Variants in PINX1 observed in about 807,000 individuals in gnomAD.
The protein encoded by PINX1 is PIN2 (TERF1) interacting telomerase inhibitor 1, also known as PIN2/TERF1-interacting telomerase inhibitor 1.
A neutral mutation model predicts 25.4 loss-of-function variants in PINX1; 34 were observed. That is an observed-to-expected ratio of 1.34 (90% CI 1.02 to 1.78). The LOEUF (loss-of-function observed/expected upper bound fraction) is 1.78, where lower values mean the gene tolerates loss of function less well. Ranked by LOEUF, PINX1 falls within the 40% of genes most tolerant of loss-of-function variation. PINX1 has a pLI of 0.00. For missense variants in PINX1, 592 were observed against 404.9 expected (o/e 1.46, Z -3.97); for synonymous variants, 197 against 147.7 (o/e 1.33, Z -2.42).
rs1392826782 is a variant in PINX1, at chr8:10,812,189, C to G, written c.471+8004G>C. ...GTCTATTTGATCTCTTGTTTGGACACATCAAGAGCCTTTCACATTCATCTA... is the reference window on the plus strand; with the variant it reads ...GTCTATTTGATCTCTTGTTTGGACAGATCAAGAGCCTTTCACATTCATCTA... On this transcript the variant is annotated intron_variant, in intron 6 of 6. Coordinates refer to ENST00000314787, the MANE Select transcript of PINX1 (RefSeq NM_017884.6). Among the ~76,000 whole-genome samples, 5 of 152,198 alleles carry G rather than the reference C, an allele frequency of 3.3e-5. No individual in the cohort carries two copies. In the East Asian group the frequency reaches 9.6e-4, roughly 29 times the overall value.
rs370570928 is a variant in PINX1 at position 10,765,927 on chromosome 8, C to A, written c.472-11G>T. On this transcript the variant is annotated splice_polypyrimidine_tract_variant and intron_variant, in intron 6 of 6. Transcript: ENST00000314787. ...GGGACTGGCATCGCCCTATGGTGGG[C>A]AGAAGAGTTAAAAGGCAGGTAAGCA... The A allele has an allele frequency of 6.2e-7, 1 of 1,610,256 alleles. No individual in the cohort carries two copies. The highest frequency in any genetic ancestry group is 8.5e-7 in the Non-Finnish European group (1 of 1,178,358).
chr8:10,785,628 G>T (rs1227366989), intron 6 of PINX1, among the ~76,000 whole-genome samples: 1 of 152,224 alleles, frequency 6.6e-6, no homozygotes, highest in African/African-American at 2.4e-5. Context: ...GGTTGAAGCT[G>T]TTTTTTCCTC....
chr8:10,780,245 T>G (rs190872942), intron 6 of PINX1, among the ~76,000 whole-genome samples: 2 of 152,314 alleles, frequency 1.3e-5, no homozygotes, highest in African/African-American at 4.8e-5. Context: ...GTACTTCCAG[T>G]ACTATGTTGA....
At chr8:10,804,009 C>T (rs1158296528) in intron 6 of PINX1, among the ~76,000 whole-genome samples, 1 of 142,396 alleles carries the variant, frequency 7.0e-6, no homozygotes. Context: ...TACCAACGAA[C>T]TCATATAGTT....
chr8:10,775,995 G>A (rs1801380835), intron 6 of PINX1, among the ~76,000 whole-genome samples: 1 of 152,174 alleles, frequency 6.6e-6, no homozygotes, highest in African/African-American at 2.4e-5. Flanking sequence ...AGCCCCTGGG[G>A]ATGCTAGAAC....
chr8:10,794,297 T>C (rs1422437963), intron 6 of PINX1, among the ~76,000 whole-genome samples: 4 of 152,230 alleles, frequency 2.6e-5, no homozygotes, highest in Non-Finnish European at 5.9e-5. Context: ...CATACAGATC[T>C]TAAAATTTCA....
At chr8:10,827,930 A>AT (rs57456066) in intron 4 of PINX1, among the ~76,000 whole-genome samples, 27 of 150,288 alleles carry the variant, frequency 1.8e-4, no homozygotes, top group African/African-American at 6.6e-4. Flanking sequence ...AAAAAAAAAA[A>AT]TCCAACAAAC....
chr8:10,826,096 C>A, intron 5 of PINX1, 56 bp downstream of exon 5: 1 of 944,636 alleles, frequency 1.1e-6, no homozygotes, highest in South Asian at 1.5e-5. Context: ...ATGCTTCAAG[C>A]AACTCAGGAC....
chr8:10,786,954 C>T (rs1468027701), intron 6 of PINX1, among the ~76,000 whole-genome samples: 2 of 152,084 alleles, frequency 1.3e-5, no homozygotes, highest in African/African-American at 2.4e-5. Flanking sequence ...CCCAAGTAGC[C>T]CCCCGATCTC....
chr8:10,791,303 C>G (rs528215604), intron 6 of PINX1, among the ~76,000 whole-genome samples: 1 of 152,338 alleles, frequency 6.6e-6, no homozygotes, highest in Admixed American at 6.5e-5. Context: ...TTTTCAACAT[C>G]CAGCTGCAGC....
At chr8:10,798,144 T>C (rs1194712036) in intron 6 of PINX1, among the ~76,000 whole-genome samples, 2 of 152,252 alleles carry the variant, frequency 1.3e-5, no homozygotes, top group African/African-American at 4.8e-5. Context: ...ACGGGTAGGC[T>C]GCCTTTGAAT....
rs1800988563 is a variant in PINX1 at position 10,765,158 on chromosome 8, C to A, written c.*243G>T. 2 of 513,140 alleles carry A rather than the reference C, an allele frequency of 3.9e-6. No individual in the cohort carries two copies. Among genetic ancestry groups the A allele is most frequent in the South Asian group, 6.8e-5 (2 of 29,584 alleles). 31.8% of individuals were successfully genotyped at this position (513,140 alleles called of 1,614,324 possible). On this transcript the variant is annotated 3_prime_UTR_variant, in exon 7 of 7. Coordinates refer to ENST00000314787, the MANE Select transcript of PINX1 (RefSeq NM_017884.6). ...ATAATTAAACTCTCTTGCTGAAGGG[C>A]TCAGAGTTTACAAAAAAATTTATTT...
intron 6 of PINX1, among the ~76,000 whole-genome samples, chr8:10,811,934 C>T (rs1433719012): frequency 2.0e-5 from 3 of 152,130 alleles, no homozygotes; most frequent in Admixed American, 2.0e-4. Context: ...GTGGTAAGGG[C>T]CCACTTAGAA....
intron 6 of PINX1, among the ~76,000 whole-genome samples, chr8:10,767,565 C>G (rs1801093930): frequency 6.6e-6 from 1 of 152,222 alleles, no homozygotes; most frequent in South Asian, 2.1e-4. Flanking sequence ...TAAAAAAAAT[C>G]TGCCTCAGGA....
intron 6 of PINX1, among the ~76,000 whole-genome samples, chr8:10,770,244 T>C (rs1040813833): frequency 1.3e-5 from 2 of 152,204 alleles, no homozygotes; most frequent in Admixed American, 1.3e-4. Context: ...AGTTTCCTCA[T>C]CAGCAACAGG....
intron 4 of PINX1, 44 bp downstream of exon 4, chr8:10,831,621 T>C (rs1746957772): frequency 8.3e-7 from 1 of 1,203,080 alleles, no homozygotes; most frequent in East Asian, 2.5e-5. Flanking sequence ...AAAAAGTAGA[T>C]AAACATATTT....
chr8:10,778,402 A>G (rs1418732913), intron 6 of PINX1, among the ~76,000 whole-genome samples: 1 of 152,134 alleles, frequency 6.6e-6, no homozygotes, highest in African/African-American at 2.4e-5. Context: ...TTTGTCCTGT[A>G]AAGTTCTCTC....
In PINX1 at chr8:10,825,589, G is replaced by A. The variant is rs567643027; in HGVS notation, c.394+563C>T. 3.5e-4 allele frequency: 138 copies of A among 392,988 alleles called. 2 individuals are homozygous for A. The highest frequency in any genetic ancestry group is 2.6e-3 in the South Asian group (136 of 52,568). The allele number at this position is 392,988 out of a possible 1,614,324, so 24.3% of individuals were successfully genotyped here. A position where few individuals can be genotyped will look rare whatever the true frequency, so the allele number is the denominator to read the frequency against. ...AGGGGCTAGGGAGGTGGTGATGAAG[G>A]AATAGGAATTCTCACCCAGGTCTCA... is the stretch of plus-strand genomic sequence containing the variant. On this transcript the variant is annotated intron_variant, in intron 5 of 6. Coordinates refer to ENST00000314787, the MANE Select transcript of PINX1 (RefSeq NM_017884.6).
intron 6 of PINX1, among the ~76,000 whole-genome samples, chr8:10,792,943 A>T (rs1458826923): frequency 6.6e-6 from 1 of 152,080 alleles, no homozygotes; most frequent in Non-Finnish European, 1.5e-5. Context: ...TCCAGGTGGA[A>T]GCTGACCGCA....
Sources: allele counts gnomAD v4.1 joint callset (sites outside exome capture counted in the v4.1 genomes callset), GRCh38; gene constraint gnomAD v4.1.1; transcripts MANE v1.5; gene names NCBI Gene and HGNC (gene_info 2026-07-23, HGNC 2026-07-21).